Variants in TEX36 observed in about 807,000 individuals in gnomAD.
The protein encoded by TEX36 is testis-expressed protein 36.
A neutral mutation model predicts 13.6 loss-of-function variants in TEX36; 12 were observed. The observed-to-expected ratio is 0.88, with a 90% CI of 0.56 to 1.43. The LOEUF (loss-of-function observed/expected upper bound fraction) is 1.43, where lower values mean the gene tolerates loss of function less well. Ranked by LOEUF, TEX36 falls within the 40% of genes most tolerant of loss-of-function variation. The pLI is 0.00. For missense variants in TEX36, 224 were observed against 228.3 expected, an observed-to-expected ratio of 0.98 and a Z score of 0.12; for synonymous variants, 93 against 83.0, an observed-to-expected ratio of 1.12 and a Z score of -0.65.
Position 125,576,656 on chromosome 10 carries a change from G to A in TEX36, c.*93C>T, listed in dbSNP as rs1589735962. On this transcript the variant is annotated 3_prime_UTR_variant, in exon 4 of 4. Coordinates refer to the TEX36 transcript ENST00000532135. ...ATCCTGGTGGTTACTAACTAGCTAG[G>A]CTAAGACAAAAGGTCCTTTTCTTCC... 5.9e-5 allele frequency: 86 copies of A among 1,463,508 alleles called. No homozygotes were observed. The East Asian group carries it at 2.1e-3, about 36-fold the overall frequency. 90.7% of individuals were successfully genotyped at this position (1,463,508 alleles called of 1,614,324 possible).
At chr10:125,612,206 C>T (rs1846298596) in intron 3 of TEX36, among the ~76,000 whole-genome samples, 1 of 151,618 alleles carries the variant, frequency 6.6e-6, no homozygotes, top group Admixed American at 6.6e-5. Context: ...GCCTCAGCCT[C>T]CGGAGTAGCT....
At chr10:125,620,336 G>C (rs1219330905), downstream of TEX36, among the ~76,000 whole-genome samples, 1 of 152,138 alleles carries the variant, frequency 6.6e-6, no homozygotes, top group Non-Finnish European at 1.5e-5. Flanking sequence ...TGCTTTAATG[G>C]CCTTTTCTTT....
chr10:125,638,633 G>A (rs990731968), intron 3 of TEX36, among the ~76,000 whole-genome samples: 2 of 152,164 alleles, frequency 1.3e-5, no homozygotes, highest in African/African-American at 4.8e-5. Flanking sequence ...TCAAGCTATC[G>A]CTACATCTTC....
At chr10:125,646,078 C>T (rs1472709867) in intron 3 of TEX36, among the ~76,000 whole-genome samples, 2 of 152,174 alleles carry the variant, frequency 1.3e-5, no homozygotes, top group Non-Finnish European at 2.9e-5. Flanking sequence ...CCGATAATCC[C>T]AGTATTTGAG....
downstream of TEX36, chr10:125,621,533 G>A (rs999906035): frequency 2.7e-5 from 12 of 449,514 alleles, no homozygotes; most frequent in Admixed American, 1.4e-4. Context: ...ATTAGTCAGG[G>A]CTCTCCAGAG....
At chr10:125,672,848 C>T (rs994399831) in intron 1 of TEX36, among the ~76,000 whole-genome samples, 4 of 152,172 alleles carry the variant, frequency 2.6e-5, no homozygotes, top group Non-Finnish European at 5.9e-5. Context: ...GTTAGCTCTT[C>T]TTGTTGAATT....
chr10:125,662,572 C>T (rs60473836), intron 1 of TEX36, among the ~76,000 whole-genome samples: 1,648 of 152,234 alleles, frequency 0.011, 21 homozygotes, highest in African/African-American at 0.037. Flanking sequence ...TCCTTGCAAT[C>T]TCCCAACAAA....
At chr10:125,641,318 A>G (rs1427142384) in intron 3 of TEX36, among the ~76,000 whole-genome samples, 1 of 152,276 alleles carries the variant, frequency 6.6e-6, no homozygotes, top group African/African-American at 2.4e-5. Context: ...AGACCAAAAG[A>G]GAATGTACGT....
chr10:125,662,951 G>T (rs1434385692), intron 1 of TEX36, among the ~76,000 whole-genome samples: 3 of 152,200 alleles, frequency 2.0e-5, no homozygotes, highest in Non-Finnish European at 4.4e-5. Context: ...AACAAAGTGA[G>T]CTCTGAAGCA....
chr10:125,590,926 T>C (rs1434510952), intron 3 of TEX36, among the ~76,000 whole-genome samples: 1 of 152,198 alleles, frequency 6.6e-6, no homozygotes, highest in Non-Finnish European at 1.5e-5. Flanking sequence ...GTTTAAATGT[T>C]CCTCTTCGGT....
In TEX36 at chr10:125,656,213, C is replaced by T. The variant is rs775809467; in HGVS notation, c.265-17G>A. 3.0e-6 allele frequency: 2 copies of T among 676,202 alleles called. No homozygotes were observed. The highest frequency in any genetic ancestry group is 4.3e-6 in the Non-Finnish European group (2 of 464,726). 41.9% of individuals were successfully genotyped at this position (676,202 alleles called of 1,614,324 possible). A position where few individuals can be genotyped will look rare whatever the true frequency, so the allele number is the denominator to read the frequency against. ...TCCCAGGCCCTGGAGAGAAGAATTA[C>T]AAGATTCGAAGGAAAATATTCAAGT... On this transcript the variant is annotated splice_polypyrimidine_tract_variant and intron_variant, in intron 3 of 3. Coordinates refer to ENST00000368821, the MANE Select transcript of TEX36 (RefSeq NM_001128202.3).
chr10:125,653,613 G>A (rs867057068), downstream of TEX36, among the ~76,000 whole-genome samples: 2 of 151,936 alleles, frequency 1.3e-5, no homozygotes, highest in African/African-American at 4.8e-5. Flanking sequence ...TTGTGCACAT[G>A]TACCCTAGAA....
chr10:125,633,274 G>A (rs1036876326), intron 3 of TEX36, among the ~76,000 whole-genome samples: 12 of 152,066 alleles, frequency 7.9e-5, no homozygotes, highest in African/African-American at 2.4e-4. Flanking sequence ...TGTTAATGGT[G>A]GCAACTTTGG....
At chr10:125,625,593 C>T (rs1270615751) in intron 3 of TEX36, among the ~76,000 whole-genome samples, 1 of 152,212 alleles carries the variant, frequency 6.6e-6, no homozygotes, top group African/African-American at 2.4e-5. Context: ...TGAAACATGA[C>T]ACAGTTGTTA....
chr10:125,668,449 G>C (rs1847163209), intron 1 of TEX36, among the ~76,000 whole-genome samples: 1 of 151,816 alleles, frequency 6.6e-6, no homozygotes, highest in African/African-American at 2.4e-5. Flanking sequence ...CAGTTTGTCA[G>C]CATATAGTTG....
At chr10:125,627,834 G>T (rs188928949) in intron 3 of TEX36, among the ~76,000 whole-genome samples, 117 of 152,346 alleles carry the variant, frequency 7.7e-4, no homozygotes, top group Admixed American at 1.8e-3. Flanking sequence ...GGGCACTGCA[G>T]AGCCCAGAGG....
downstream of TEX36, among the ~76,000 whole-genome samples, chr10:125,620,151 G>A (rs1397690607): frequency 6.6e-6 from 1 of 152,038 alleles, no homozygotes; most frequent in Non-Finnish European, 1.5e-5. Context: ...TCCTACTTGG[G>A]TCAAAAGCTA....
intron 3 of TEX36, among the ~76,000 whole-genome samples, chr10:125,612,343 C>T (rs1263923786): frequency 7.2e-6 from 1 of 139,102 alleles, no homozygotes; most frequent in Admixed American, 7.4e-5. Flanking sequence ...CTTGGCCTCC[C>T]AAAGTGCTGG....
At chr10:125,627,731 C>T (rs1846505006) in intron 3 of TEX36, among the ~76,000 whole-genome samples, 2 of 152,232 alleles carry the variant, frequency 1.3e-5, no homozygotes, top group African/African-American at 4.8e-5. Flanking sequence ...GGACACCATT[C>T]CTGTTTTATC....
Sources: allele counts gnomAD v4.1 joint callset (sites outside exome capture counted in the v4.1 genomes callset), GRCh38; gene constraint gnomAD v4.1.1; transcripts MANE v1.5; gene names NCBI Gene and HGNC (gene_info 2026-07-23, HGNC 2026-07-21).